ST6GALNAC3: variants seen among roughly 807,000 people sequenced by gnomAD.
The protein encoded by ST6GALNAC3 is ST6 N-acetylgalactosaminide alpha-2,6-sialyltransferase 3.
ST6GALNAC3 carries 25 observed loss-of-function variants against 32.7 expected under a neutral mutation model. The observed-to-expected ratio is 0.76, with a 90% CI of 0.56 to 1.07. The LOEUF (loss-of-function observed/expected upper bound fraction) is 1.07. Ranked by LOEUF, ST6GALNAC3 falls within the 50% of genes least tolerant of loss-of-function variation. The pLI, the probability that ST6GALNAC3 is intolerant of heterozygous loss-of-function variation, is 0.00. For synonymous variants in ST6GALNAC3, 129 were observed against 133.1 expected (o/e 0.97, Z 0.21); for missense variants, 355 against 382.4 (o/e 0.93, Z 0.60).
chr1:76,626,076 G>A (rs968317096), intron 3 of ST6GALNAC3, among the ~76,000 whole-genome samples: 2 of 151,864 alleles, frequency 1.3e-5, no homozygotes, highest in South Asian at 2.1e-4. Context: ...TTGACACTAA[G>A]TAGTGCCTGT....
At chr1:76,291,547 A>G (rs1364837260) in intron 1 of ST6GALNAC3, among the ~76,000 whole-genome samples, 1 of 152,262 alleles carries the variant, frequency 6.6e-6, no homozygotes, top group Non-Finnish European at 1.5e-5. Flanking sequence ...CAAGTGGGAA[A>G]AGAACATTTT....
chr1:76,468,921 C>T (rs1490854047), intron 3 of ST6GALNAC3, among the ~76,000 whole-genome samples: 4 of 151,788 alleles, frequency 2.6e-5, no homozygotes, highest in African/African-American at 9.7e-5. Context: ...ACTCTGAAGT[C>T]ATGCAGGAAA....
chr1:76,613,702 T>G (rs1046526620), intron 3 of ST6GALNAC3, among the ~76,000 whole-genome samples: 1 of 152,198 alleles, frequency 6.6e-6, no homozygotes, highest in Non-Finnish European at 1.5e-5. Flanking sequence ...CCCCTCTTCC[T>G]TTTCTCTCTT....
intron 1 of ST6GALNAC3, among the ~76,000 whole-genome samples, chr1:76,254,361 A>C (rs982340531): frequency 1.3e-5 from 2 of 152,078 alleles, no homozygotes; most frequent in African/African-American, 4.8e-5. Flanking sequence ...AGGATGGAAA[A>C]ACTGTCTCAT....
At chr1:76,436,391 G>A (rs1656146618) in intron 3 of ST6GALNAC3, among the ~76,000 whole-genome samples, 1 of 152,090 alleles carries the variant, frequency 6.6e-6, no homozygotes, top group Admixed American at 6.5e-5. Flanking sequence ...AATGGATGCT[G>A]CTTTCTTTTA....
At chr1:76,310,473 T>C (rs865888963) in intron 1 of ST6GALNAC3, among the ~76,000 whole-genome samples, 5 of 152,258 alleles carry the variant, frequency 3.3e-5, no homozygotes, top group South Asian at 2.1e-4. Context: ...AAGATTAGGC[T>C]GGCGAGATGG....
intron 2 of ST6GALNAC3, among the ~76,000 whole-genome samples, chr1:76,388,262 G>T (rs898449928): frequency 3.3e-5 from 5 of 152,140 alleles, no homozygotes; most frequent in African/African-American, 1.2e-4. Context: ...GTTGGATGCT[G>T]AGCCCTTTTC....
intron 3 of ST6GALNAC3, among the ~76,000 whole-genome samples, chr1:76,565,560 G>T (rs1665505910): frequency 6.6e-6 from 1 of 152,128 alleles, no homozygotes; most frequent in Non-Finnish European, 1.5e-5. Flanking sequence ...TCCCAGCTCG[G>T]TAGACATGGA....
intron 3 of ST6GALNAC3, among the ~76,000 whole-genome samples, chr1:76,423,050 T>G (rs1655140171): frequency 6.6e-6 from 1 of 151,968 alleles, no homozygotes; most frequent in Non-Finnish European, 1.5e-5. Context: ...GAATCAACAT[T>G]TGTGTGTATG....
At chr1:76,568,184 T>C (rs915309669) in intron 3 of ST6GALNAC3, among the ~76,000 whole-genome samples, 1 of 152,116 alleles carries the variant, frequency 6.6e-6, no homozygotes, top group Non-Finnish European at 1.5e-5. Context: ...TTGAAGCAGG[T>C]ACTATTACAC....
At chr1:76,430,486 T>C (rs554030550) in intron 3 of ST6GALNAC3, among the ~76,000 whole-genome samples, 1 of 152,316 alleles carries the variant, frequency 6.6e-6, no homozygotes, top group South Asian at 2.1e-4. Flanking sequence ...AAGCTTTGCA[T>C]CTTTGCTGAC....
At chr1:76,536,489 T>A (rs1663608198) in intron 3 of ST6GALNAC3, among the ~76,000 whole-genome samples, 1 of 151,870 alleles carries the variant, frequency 6.6e-6, no homozygotes, top group Non-Finnish European at 1.5e-5. Flanking sequence ...TCATGAGAAC[T>A]CACTCAACAT....
intron 1 of ST6GALNAC3, among the ~76,000 whole-genome samples, chr1:76,080,805 G>A (rs1302334441): frequency 6.6e-6 from 1 of 152,180 alleles, no homozygotes; most frequent in African/African-American, 2.4e-5. Flanking sequence ...GATAACCCTG[G>A]CAAGTAGACA....
chr1:76,575,602 A>G (rs1171372966), intron 3 of ST6GALNAC3, among the ~76,000 whole-genome samples: 1 of 152,048 alleles, frequency 6.6e-6, no homozygotes, highest in East Asian at 1.9e-4. Flanking sequence ...TTATATGAGG[A>G]GTTGGGGAGA....
chr1:76,261,932 G>A (rs190007283), intron 1 of ST6GALNAC3, among the ~76,000 whole-genome samples: 26 of 152,304 alleles, frequency 1.7e-4, no homozygotes, highest in Non-Finnish European at 3.1e-4. Context: ...CTGGAATGGA[G>A]AACCTCCAGT....
chr1:76,189,634 G>T (rs540331701), intron 1 of ST6GALNAC3, among the ~76,000 whole-genome samples: 1 of 152,186 alleles, frequency 6.6e-6, no homozygotes, highest in Non-Finnish European at 1.5e-5. Flanking sequence ...TGTAGAGTTT[G>T]AAATTTCTTA....
intron 3 of ST6GALNAC3, among the ~76,000 whole-genome samples, chr1:76,550,749 T>A (rs570696036): frequency 6.6e-6 from 1 of 152,218 alleles, no homozygotes; most frequent in South Asian, 2.1e-4. Context: ...TGCCTGTTTT[T>A]TGTTTTGTTT....
intron 2 of ST6GALNAC3, among the ~76,000 whole-genome samples, chr1:76,326,407 T>C (rs1557789242): frequency 6.6e-6 from 1 of 152,172 alleles, no homozygotes; most frequent in South Asian, 2.1e-4. Context: ...GTGGGAAGTA[T>C]ACTCCTCCTA....
chr1:76,385,319 G>T (rs918778508), intron 2 of ST6GALNAC3, among the ~76,000 whole-genome samples: 1 of 151,852 alleles, frequency 6.6e-6, no homozygotes, highest in African/African-American at 2.4e-5. Flanking sequence ...ATTTATTATG[G>T]AACTAGATAT....
Sources: allele counts gnomAD v4.1 joint callset (sites outside exome capture counted in the v4.1 genomes callset), GRCh38; gene constraint gnomAD v4.1.1; transcripts MANE v1.5; gene names NCBI Gene and HGNC (gene_info 2026-07-23, HGNC 2026-07-21).